Variants in CACNB4 observed in about 807,000 individuals in gnomAD.
CACNB4 encodes voltage-dependent L-type calcium channel subunit beta-4.
CACNB4 carries 32 observed loss-of-function variants against 71.2 expected under a neutral mutation model. The observed-to-expected ratio is 0.45, with a 90% CI of 0.34 to 0.60. CACNB4 has a LOEUF of 0.60. Ranked by LOEUF, CACNB4 falls within the 20% of genes least tolerant of loss-of-function variation. CACNB4 has a pLI of 0.01. For missense variants in CACNB4, 464 were observed against 647.9 expected (o/e 0.72, Z 3.08); for synonymous variants, 231 against 236.9 (o/e 0.97, Z 0.23).
intron 2 of CACNB4, among the ~76,000 whole-genome samples, chr2:151,892,691 G>C (rs2099851015): frequency 6.6e-6 from 1 of 152,196 alleles, no homozygotes; most frequent in African/African-American, 2.4e-5. Flanking sequence ...TTCATTTCAG[G>C]CAGGAGTCAT....
intron 6 of CACNB4, chr2:151,872,169 G>A: frequency 2.7e-6 from 1 of 375,590 alleles, no homozygotes; most frequent in Non-Finnish European, 4.8e-6. Flanking sequence ...TTTACACAAT[G>A]GACAGTTATT....
At chr2:152,012,825 C>G (rs1361295817) in intron 2 of CACNB4, among the ~76,000 whole-genome samples, 2 of 152,052 alleles carry the variant, frequency 1.3e-5, no homozygotes, top group African/African-American at 4.8e-5. Context: ...TGTAGTGTAG[C>G]CTAATTGTAC....
chr2:151,845,584 T>C (rs1455627570), intron 12 of CACNB4, among the ~76,000 whole-genome samples: 1 of 152,232 alleles, frequency 6.6e-6, no homozygotes, highest in Non-Finnish European at 1.5e-5. Flanking sequence ...GGTTCAAGTG[T>C]AGTCAGCTCC....
intron 2 of CACNB4, among the ~76,000 whole-genome samples, chr2:151,893,817 T>C (rs561581093): frequency 6.6e-6 from 1 of 152,282 alleles, no homozygotes; most frequent in South Asian, 2.1e-4. Context: ...GAAAACATTG[T>C]CACATAAGTG....
rs185830609 is a variant in CACNB4 at position 151,832,936 on chromosome 2, T to C, written c.*6183A>G. 7 of 152,320 alleles carry C rather than the reference T, an allele frequency of 4.6e-5. No homozygotes were observed. In the East Asian group the frequency reaches 1.3e-3, roughly 29 times the overall value. 9.4% of individuals were successfully genotyped at this position (152,320 alleles called of 1,614,324 possible). On this transcript the variant is annotated 3_prime_UTR_variant, in exon 14 of 14. Coordinates refer to ENST00000539935, the MANE Select transcript of CACNB4 (RefSeq NM_000726.5). ...ATTCACAAAAATAACACCACGTTTT[T>C]TTCTTTAAAGCCACTAAAGCAGAGG...
intron 2 of CACNB4, among the ~76,000 whole-genome samples, chr2:151,889,574 G>A (rs1304825201): frequency 6.6e-6 from 1 of 150,996 alleles, no homozygotes; most frequent in East Asian, 2.0e-4. Context: ...TCTGTTGTTT[G>A]TAATGACTTG....
intron 2 of CACNB4, among the ~76,000 whole-genome samples, chr2:151,976,341 T>C (rs2099873799): frequency 6.6e-6 from 1 of 152,222 alleles, no homozygotes. Context: ...CCATATGTTC[T>C]ATACTGGAGT....
chr2:151,891,519 T>C (rs564242922), intron 2 of CACNB4, among the ~76,000 whole-genome samples: 3 of 152,306 alleles, frequency 2.0e-5, no homozygotes, highest in East Asian at 1.9e-4. Flanking sequence ...AACATATACA[T>C]TGGGAAAGAA....
At chr2:152,090,947 C>A (rs766938901) in intron 2 of CACNB4, among the ~76,000 whole-genome samples, 1 of 147,798 alleles carries the variant, frequency 6.8e-6, no homozygotes, top group South Asian at 2.2e-4. Flanking sequence ...GGGAGGCTGA[C>A]GCAGGAGAAT....
intron 2 of CACNB4, among the ~76,000 whole-genome samples, chr2:151,884,621 C>T (rs1487804479): frequency 2.5e-5 from 3 of 119,132 alleles, no homozygotes; most frequent in Admixed American, 1.2e-4. Context: ...GGCGACACAG[C>T]GAGACTCCGT....
At chr2:151,963,313 A>G (rs76566961) in intron 2 of CACNB4, among the ~76,000 whole-genome samples, 12 of 132,138 alleles carry the variant, frequency 9.1e-5, no homozygotes, top group Admixed American at 9.0e-4. Context: ...CACCGTCTCA[A>G]AAAAAAAAAA....
At chr2:151,930,800 TTACA>T (rs2099861462) in intron 2 of CACNB4, among the ~76,000 whole-genome samples, 1 of 152,190 alleles carries the variant, frequency 6.6e-6, no homozygotes, top group Admixed American at 6.5e-5. Flanking sequence ...ATGCATATAT[TTACA>T]TACAGTATAT....
chr2:151,964,730 C>T (rs1035961925), intron 2 of CACNB4, among the ~76,000 whole-genome samples: 2 of 152,142 alleles, frequency 1.3e-5, no homozygotes, highest in African/African-American at 4.8e-5. Context: ...AAAATACCGC[C>T]ATTGGCACTC....
At chr2:151,923,545 C>A (rs1482769482) in intron 2 of CACNB4, among the ~76,000 whole-genome samples, 1 of 152,212 alleles carries the variant, frequency 6.6e-6, no homozygotes, top group African/African-American at 2.4e-5. Context: ...CTGGAGGAAG[C>A]CTGGGTGGAG....
At chr2:151,954,134 T>G (rs2099867605) in intron 2 of CACNB4, among the ~76,000 whole-genome samples, 1 of 152,202 alleles carries the variant, frequency 6.6e-6, no homozygotes, top group Admixed American at 6.5e-5. Context: ...TATCAGTGTG[T>G]CCCTGAAGCA....
chr2:151,930,609 T>G (rs1197203073), intron 2 of CACNB4, among the ~76,000 whole-genome samples: 4 of 152,140 alleles, frequency 2.6e-5, no homozygotes, highest in Non-Finnish European at 2.9e-5. Context: ...AAACAAATAT[T>G]ATGACACAAC....
chr2:152,008,886 T>C (rs889240620), intron 2 of CACNB4, among the ~76,000 whole-genome samples: 2 of 152,188 alleles, frequency 1.3e-5, no homozygotes, highest in Non-Finnish European at 2.9e-5. Flanking sequence ...TGGGCAGCAC[T>C]AGCACGGGGA....
chr2:151,963,844 G>T (rs1276629880), intron 2 of CACNB4, among the ~76,000 whole-genome samples: 2 of 152,080 alleles, frequency 1.3e-5, no homozygotes, highest in Non-Finnish European at 2.9e-5. Flanking sequence ...GAGGCAGGTG[G>T]ATTACCTGAG....
intron 2 of CACNB4, among the ~76,000 whole-genome samples, chr2:151,922,659 G>T (rs2099859269): frequency 2.0e-5 from 3 of 152,156 alleles, no homozygotes; most frequent in African/African-American, 7.2e-5. Context: ...TATGATTCAT[G>T]ACATTTCCAG....
Sources: gnomAD v4.1 joint callset for allele counts (sites outside exome capture counted in the v4.1 genomes callset) on GRCh38, gnomAD v4.1.1 for gene constraint, MANE v1.5 for transcripts, NCBI Gene and HGNC (gene_info 2026-07-23, HGNC 2026-07-21) for gene names.